The following PDE6B variants were observed in gnomAD, a reference collection of about 807,000 sequenced individuals.
The protein encoded by PDE6B is rod cGMP-specific 3',5'-cyclic phosphodiesterase subunit beta.
PDE6B carries 106 observed loss-of-function variants against 109.0 expected under a neutral mutation model. That is an observed-to-expected ratio of 0.97 (90% CI 0.83 to 1.14). The LOEUF is 1.14. Among genes scored for constraint, PDE6B ranks in the 50% most tolerant of loss-of-function variants. The pLI is 0.00. For synonymous variants in PDE6B, 490 were observed against 471.3 expected (o/e 1.04, Z -0.51); for missense variants, 1,193 against 1,155.6 (o/e 1.03, Z -0.47).
At chr4:652,440 A>G (rs1245745155) in intron 3 of PDE6B, 3 of 927,486 alleles carry the variant, frequency 3.2e-6, no homozygotes, top group East Asian at 1.2e-4. Context: ...TAGAGAAAGC[A>G]GAGACGTTGG....
In PDE6B at chr4:666,706, G is replaced by A. The variant is rs547718230; in HGVS notation, c.2352+92G>A. Reference sequence around the variant, plus strand: ...GGCTGGAGTCGCGTGGACTCACACGGGCCCGGCGGTGTCCTCACTGGAGTA... The same window carrying A: ...GGCTGGAGTCGCGTGGACTCACACGAGCCCGGCGGTGTCCTCACTGGAGTA... On this transcript the variant is annotated intron_variant, in intron 20 of 21. Coordinates refer to ENST00000496514, the MANE Select transcript of PDE6B (RefSeq NM_000283.4). This position sits in a 1 kb window ranked among gnomAD's most constrained non-coding sequence, Gnocchi z 5.6. 13 of 834,098 alleles carry A rather than the reference G, an allele frequency of 1.6e-5. No homozygotes were observed. In the East Asian group the frequency reaches 3.0e-4, roughly 19 times the overall value. The allele number at this position is 834,098 out of a possible 1,614,324, so 51.7% of individuals were successfully genotyped here. A position where few individuals can be genotyped will look rare whatever the true frequency, so the allele number is the denominator to read the frequency against.
rs540489856 is a variant in PDE6B, at chr4:626,587, T to C, written c.468+493T>C. Among the ~76,000 whole-genome samples the C allele has an allele frequency of 1.3e-5, 2 of 152,308 alleles. No homozygotes were observed. The highest frequency in any genetic ancestry group is 3.9e-4 in the East Asian group (2 of 5,182). On this transcript the variant is annotated intron_variant, in intron 1 of 21. Transcript: ENST00000496514. This position sits in a 1 kb window ranked among gnomAD's most constrained non-coding sequence, Gnocchi z 4.6. ...AGGGAGAGCCAGGGGAACCCCAAAC[T>C]TCCACTGTGGCAGAAGCAGCTTTAT...
chr4:626,147 TC>T lies in PDE6B; in HGVS notation c.468+56del. The T allele has an allele frequency of 9.1e-7, 1 of 1,102,578 alleles. No homozygotes were observed. The highest frequency in any genetic ancestry group is 1.3e-6 in the Non-Finnish European group (1 of 744,206). The allele number at this position is 1,102,578 out of a possible 1,614,324, so 68.3% of individuals were successfully genotyped here. A position where few individuals can be genotyped will look rare whatever the true frequency, so the allele number is the denominator to read the frequency against. On this transcript the variant is annotated intron_variant, in intron 1 of 21. Transcript: ENST00000496514. The surrounding 1 kb of genome is among the most constrained non-coding windows in gnomAD (Gnocchi z 4.6). ...CGGCTGTGTGCATCTCTTGCACCTG[TC>T]CCAGGTGTCTAAGGGTCAGCTCGGA...
At chr4:637,470 C>A (rs1217074962) in intron 3 of PDE6B, among the ~76,000 whole-genome samples, 1 of 152,198 alleles carries the variant, frequency 6.6e-6, no homozygotes, top group South Asian at 2.1e-4. Flanking sequence ...ATCTGCCCAC[C>A]TCAGCCTCCC....
chr4:664,941 C>G lies in PDE6B; in HGVS notation c.2190C>G (p.Ser730Arg). 1.2e-6 allele frequency: 2 copies of G among 1,611,848 alleles called. No homozygotes were observed. The highest frequency in any genetic ancestry group is 4.5e-5 in the East Asian group (2 of 44,884). ...TCACCAAGCCCTGGGAAGTCCAGAGCAAGGTTAGAACAGAGGGCCCTCCAG... is the reference window on the plus strand; with the variant it reads ...TCACCAAGCCCTGGGAAGTCCAGAGGAAGGTTAGAACAGAGGGCCCTCCAG... ...SAITKPWEVQ[S>R]KVALLVAAEF... Residue 730 changes from serine (S) to arginine (R), a missense_variant, in exon 18 of 22, where the codon AGC (serine) becomes AGG (arginine). By Grantham distance (110) the Ser-to-Arg change is moderately radical (BLOSUM62 -1). Coordinates refer to ENST00000496514, the MANE Select transcript of PDE6B (RefSeq NM_000283.4).
In PDE6B at chr4:666,277, GC is replaced by G. The variant is rs35556851; in HGVS notation, c.2269-251del. On this transcript the variant is annotated intron_variant, in intron 19 of 21. Transcript: ENST00000496514. This position sits in a 1 kb window ranked among gnomAD's most constrained non-coding sequence, Gnocchi z 5.6. ...GGGTCCCCAGAGCCAAGAGGGGGCT[GC>G]CCTCAGGGGACCACGGGCTGGAGCC... Among the ~76,000 whole-genome samples the G allele has an allele frequency of 1.3e-5, 2 of 152,186 alleles. No individual in the cohort carries two copies. Among genetic ancestry groups the G allele is most frequent in the Admixed American group, 1.3e-4 (2 of 15,290 alleles).
Position 663,615 on chromosome 4 carries a change from G to A in PDE6B, c.1921-155G>A. On this transcript the variant is annotated intron_variant, in intron 15 of 21. Transcript: ENST00000496514. This position sits in a 1 kb window ranked among gnomAD's most constrained non-coding sequence, Gnocchi z 4.0. ...TGGAGAGCTGGGCACCCTGAGGAGG[G>A]CCCTGAGCAGCAGGCGGATTAGGGG... is the stretch of plus-strand genomic sequence containing the variant. 1.5e-6 allele frequency: 1 copy of A among 684,328 alleles called. No individual in the cohort carries two copies. The allele number at this position is 684,328 out of a possible 1,614,324, so 42.4% of individuals were successfully genotyped here. A position where few individuals can be genotyped will look rare whatever the true frequency, so the allele number is the denominator to read the frequency against.
At chr4:667,078 C>G (rs1052152918) in intron 20 of PDE6B, among the ~76,000 whole-genome samples, 25 of 152,358 alleles carry the variant, frequency 1.6e-4, no homozygotes, top group African/African-American at 4.8e-4. Context: ...AGCCACATCC[C>G]TGCCAATCTG....
chr4:660,878 G>A (rs542128893), intron 12 of PDE6B, among the ~76,000 whole-genome samples: 1 of 151,576 alleles, frequency 6.6e-6, no homozygotes, highest in Non-Finnish European at 1.5e-5. Context: ...CAGGGAGGAA[G>A]GAGGGAGGTT....
In PDE6B at chr4:657,045, G is replaced by A. The variant is rs1423386655; in HGVS notation, c.1257+22G>A. 4 of 1,611,594 alleles carry A rather than the reference G, an allele frequency of 2.5e-6. No individual in the cohort carries two copies. The African/African-American group carries it at 5.3e-5, about 22-fold the overall frequency. Reference sequence around the variant, plus strand: ...GGAGGTAAGCACCTGGGCAGACGTGGTTCCGCCGGGGATGCCCTGCGAGGG... The same window carrying A: ...GGAGGTAAGCACCTGGGCAGACGTGATTCCGCCGGGGATGCCCTGCGAGGG... On this transcript the variant is annotated intron_variant, in intron 9 of 21. Transcript: ENST00000496514.
intron 3 of PDE6B, among the ~76,000 whole-genome samples, chr4:649,878 C>T (rs1248083582): frequency 1.3e-5 from 2 of 152,196 alleles, no homozygotes; most frequent in African/African-American, 2.4e-5. Context: ...CTGAGCAGCT[C>T]CCCTTCCAGG....
At chr4:632,336 G>T (rs1734426959) in intron 1 of PDE6B, among the ~76,000 whole-genome samples, 1 of 150,872 alleles carries the variant, frequency 6.6e-6, no homozygotes, top group Non-Finnish European at 1.5e-5. Flanking sequence ...TGCCATCTGA[G>T]GATCACATGT....
chr4:670,004 G>C, intron 21 of PDE6B, 42 bp from the exon 22 acceptor site: 1 of 1,535,710 alleles, frequency 6.5e-7, no homozygotes, highest in Non-Finnish European at 9.0e-7. Flanking sequence ...GGGCTGGTGT[G>C]CACAGGTGGT....
chr4:636,149 T>C lies in PDE6B; in HGVS notation c.711+180T>C, dbSNP rs1734668984. Among the ~76,000 whole-genome samples, 1 of 152,020 alleles carries C rather than the reference T, an allele frequency of 6.6e-6. No individual in the cohort carries two copies. The highest frequency in any genetic ancestry group is 1.5e-5 in the Non-Finnish European group (1 of 67,996). ...CTTCTGTGGCTGTGCTGAGCTGCAA[T>C]GGCCAGACCCATCTGCCACCTGCCT... is the stretch of plus-strand genomic sequence containing the variant. On this transcript the variant is annotated intron_variant, in intron 3 of 21. Coordinates refer to ENST00000496514, the MANE Select transcript of PDE6B (RefSeq NM_000283.4). This position sits in a 1 kb window ranked among gnomAD's most constrained non-coding sequence, Gnocchi z 4.5.
At chr4:661,885 G>A (rs1343583370) in intron 12 of PDE6B, 3 of 542,820 alleles carry the variant, frequency 5.5e-6, no homozygotes. Context: ...GGCCCCTGAA[G>A]GCTGGGGCTG....
chr4:652,504 C>T (rs1735672173), intron 3 of PDE6B: 2 of 984,962 alleles, frequency 2.0e-6, no homozygotes, highest in Middle Eastern at 5.2e-4. Context: ...AGGTCAGCCG[C>T]GCTGTGTGGC....
intron 3 of PDE6B, among the ~76,000 whole-genome samples, chr4:639,403 A>G (rs1734844391): frequency 6.6e-6 from 1 of 152,150 alleles, no homozygotes; most frequent in Non-Finnish European, 1.5e-5. Context: ...CACAGTTCAC[A>G]GGAGGCAGAA....
At chr4:654,932 G>GC (rs1736032575) in intron 6 of PDE6B, 44 bp downstream of exon 6, 4 of 1,105,520 alleles carry the variant, frequency 3.6e-6, no homozygotes, top group Non-Finnish European at 5.6e-6. Context: ...GGGAGGGACC[G>GC]CCCCTCAGAC....
chr4:632,760 G>A (rs1734455623), intron 1 of PDE6B, among the ~76,000 whole-genome samples: 1 of 151,606 alleles, frequency 6.6e-6, no homozygotes, highest in African/African-American at 2.4e-5. Flanking sequence ...GATCCATGTG[G>A]CACCATCTCT....
Sources: allele counts gnomAD v4.1 joint callset (sites outside exome capture counted in the v4.1 genomes callset), GRCh38; gene constraint gnomAD v4.1.1; non-coding constraint Gnocchi (gnomAD v3.1); transcripts MANE v1.5; gene names NCBI Gene and HGNC (gene_info 2026-07-23, HGNC 2026-07-21).